The following HADHA variants were observed in gnomAD, a reference collection of about 807,000 sequenced individuals.
HADHA encodes the protein trifunctional enzyme subunit alpha, mitochondrial.
A neutral mutation model predicts 91.3 loss-of-function variants in HADHA; 59 were observed. That is an observed-to-expected ratio of 0.65 (90% CI 0.52 to 0.80). The LOEUF (loss-of-function observed/expected upper bound fraction) is 0.80, where lower values mean the gene tolerates loss of function less well. HADHA is among the 30% of genes least tolerant of loss of function. HADHA has a pLI of 0.00. For synonymous variants in HADHA, 320 were observed against 338.9 expected (o/e 0.94, Z 0.61); for missense variants, 800 against 927.6 (o/e 0.86, Z 1.79).
intron 12 of HADHA, among the ~76,000 whole-genome samples, chr2:26,202,124 G>C (rs1267484022): frequency 6.6e-6 from 1 of 152,108 alleles, no homozygotes; most frequent in Non-Finnish European, 1.5e-5. Flanking sequence ...CTAAAGAACA[G>C]AGACCAAGCA....
Position 26,229,931 on chromosome 2 carries a change from G to C in HADHA, c.676+261C>G, listed in dbSNP as rs1010546942. On this transcript the variant is annotated intron_variant, in intron 7 of 19. Transcript: ENST00000380649. This position sits in a 1 kb window ranked among gnomAD's most constrained non-coding sequence, Gnocchi z 4.3. ...AACCTCAGCCCCGCCAGGTTCAAGCGATCCTCCTGCCTCAGCCTCCCAAGT... is the reference window on the plus strand; with the variant it reads ...AACCTCAGCCCCGCCAGGTTCAAGCCATCCTCCTGCCTCAGCCTCCCAAGT... 1.3e-5 allele frequency among the ~76,000 whole-genome samples: 2 copies of C among 152,116 alleles called. No homozygotes were observed. The highest frequency in any genetic ancestry group is 4.1e-4 in the South Asian group (2 of 4,828).
At position 26,214,451 on chromosome 2, in the gene HADHA, T is replaced by C. The variant is rs1301399090; in HGVS notation, c.910A>G (p.Ile304Val). The change falls in exon 9 of 20, where the codon ATA becomes GTA. Residue 304 changes from isoleucine to valine, a missense_variant. Ile to Val is a conservative substitution (Grantham distance 29, BLOSUM62 3). Transcript: ENST00000380649. This position sits in a 1 kb window ranked among gnomAD's most constrained non-coding sequence, Gnocchi z 4.1. ...TKGLYPAPLKIIDVVKTGIEQ... is the reference protein window; with the variant it reads ...TKGLYPAPLKVIDVVKTGIEQ... Reference sequence around the variant, plus strand: ...TATTGGGTAAGACTCACATCAATTATTTTCAGAGGTGCAGGATAAAGGCCT... The same window carrying C: ...TATTGGGTAAGACTCACATCAATTACTTTCAGAGGTGCAGGATAAAGGCCT... 1 of 1,479,088 alleles carries C rather than the reference T, an allele frequency of 6.8e-7. No homozygotes were observed. 91.6% of individuals were successfully genotyped at this position (1,479,088 alleles called of 1,614,324 possible).
intron 1 of HADHA, among the ~76,000 whole-genome samples, chr2:26,242,200 G>T (rs987026871): frequency 6.6e-6 from 1 of 152,136 alleles, no homozygotes; most frequent in African/African-American, 2.4e-5. Context: ...CCTTTCAAGA[G>T]AATTTTATCA....
chr2:26,198,277 C>A (rs1316547892), intron 13 of HADHA, among the ~76,000 whole-genome samples: 1 of 151,950 alleles, frequency 6.6e-6, no homozygotes, highest in African/African-American at 2.4e-5. Context: ...CTACAGTACA[C>A]AAATACTATT....
rs71399373 is a variant in HADHA, at chr2:26,227,511, C to CA, written c.676+2680dup. Among the ~76,000 whole-genome samples, 179 of 141,906 alleles carry CA rather than the reference C, an allele frequency of 1.3e-3. 2 individuals are homozygous for CA. Among genetic ancestry groups the CA allele is most frequent in the African/African-American group, 2.4e-3 (94 of 38,610 alleles). The allele number at this position is 141,906 out of a possible 152,430, so 93.1% of individuals were successfully genotyped here. A position where few individuals can be genotyped will look rare whatever the true frequency, so the allele number is the denominator to read the frequency against. On this transcript the variant is annotated intron_variant, in intron 7 of 19. Transcript: ENST00000380649. Reference sequence around the variant, plus strand: ...TGGGCAACAGAGCGAGACTTTGTCTCAAAAAAAAAAAAAGAAAAAAGAACT... The same window carrying CA: ...TGGGCAACAGAGCGAGACTTTGTCTCAAAAAAAAAAAAAAGAAAAAAGAACT...
intron 11 of HADHA, among the ~76,000 whole-genome samples, chr2:26,208,006 C>A (rs1040107013): frequency 3.9e-5 from 6 of 152,108 alleles, no homozygotes; most frequent in African/African-American, 1.4e-4. Flanking sequence ...ACATATTTTG[C>A]CTTGGGTATC....
In HADHA at chr2:26,231,968, C is replaced by CA. The variant is rs70950177; in HGVS notation, c.573+191dup. On this transcript the variant is annotated intron_variant, in intron 6 of 19. Coordinates refer to ENST00000380649, the MANE Select transcript of HADHA (RefSeq NM_000182.5). ...TGGGCTACAGAGCAAGATTTTGTCT[C>CA]AAAAAAAAAAAAAAAAAAAAATCTG... is the stretch of plus-strand genomic sequence containing the variant. Among the ~76,000 whole-genome samples, 26,824 of 92,226 alleles carry CA rather than the reference C, an allele frequency of 0.29. 3,550 individuals carry two copies. The highest frequency in any genetic ancestry group is 0.41 in the Middle Eastern group (70 of 172). The allele number at this position is 92,226 out of a possible 152,430, so 60.5% of individuals were successfully genotyped here. A position where few individuals can be genotyped will look rare whatever the true frequency, so the allele number is the denominator to read the frequency against.
chr2:26,204,843 C>G (rs376936507), intron 11 of HADHA, among the ~76,000 whole-genome samples: 4 of 152,152 alleles, frequency 2.6e-5, no homozygotes, highest in East Asian at 3.8e-4. Context: ...CCACATCAGC[C>G]TCCCAAAGAG....
rs1670076107 is a variant in HADHA at position 26,210,548 on chromosome 2, G to C, written c.976-659C>G. On this transcript the variant is annotated intron_variant, in intron 10 of 19. Transcript: ENST00000380649. The surrounding 1 kb of genome is among the most constrained non-coding windows in gnomAD (Gnocchi z 4.0). ...TGTAGTAGAGATGGGGTTTCACCGT[G>C]TTAGCCAGGATGGTCTCGATCTCCT... 6.5e-6 allele frequency: 1 copy of C among 153,284 alleles called. No homozygotes were observed. The highest frequency in any genetic ancestry group is 1.5e-5 in the Non-Finnish European group (1 of 68,854). The allele number at this position is 153,284 out of a possible 1,614,324, so 9.5% of individuals were successfully genotyped here.
chr2:26,239,572 A>C (rs1421355509), intron 1 of HADHA, among the ~76,000 whole-genome samples: 1 of 152,190 alleles, frequency 6.6e-6, no homozygotes, highest in Non-Finnish European at 1.5e-5. Flanking sequence ...AACCCAGTGA[A>C]GGTGGAGTGG....
intron 6 of HADHA, among the ~76,000 whole-genome samples, chr2:26,231,493 A>G (rs949964394): frequency 3.4e-4 from 51 of 152,238 alleles, no homozygotes; most frequent in African/African-American, 1.1e-3. Flanking sequence ...CAATGAGGGA[A>G]AAGGTCTGCC....
intron 7 of HADHA, among the ~76,000 whole-genome samples, chr2:26,225,413 A>G (rs1385411502): frequency 6.7e-6 from 1 of 149,754 alleles, no homozygotes; most frequent in African/African-American, 2.5e-5. Context: ...AAAAAAAAAA[A>G]GAGGAGAGAA....
intron 7 of HADHA, among the ~76,000 whole-genome samples, chr2:26,217,148 T>C (rs889030973): frequency 1.3e-5 from 2 of 150,782 alleles, no homozygotes; most frequent in Admixed American, 6.6e-5. Context: ...TTGAGCCCAG[T>C]AGCTCAAGGA....
chr2:26,222,804 TCACCGGGAAG>T (rs764961848), intron 7 of HADHA, among the ~76,000 whole-genome samples: 4 of 152,142 alleles, frequency 2.6e-5, no homozygotes, highest in Non-Finnish European at 5.9e-5. Flanking sequence ...TCTTACTACA[TCACCGGGAAG>T]CAGTTGCCTT....
chr2:26,222,975 G>C (rs1260883361), intron 7 of HADHA, among the ~76,000 whole-genome samples: 4 of 152,164 alleles, frequency 2.6e-5, no homozygotes, highest in African/African-American at 9.7e-5. Flanking sequence ...GGATTCGTGA[G>C]TCCAGAAATC....
chr2:26,209,844 CCATCAAGGCCTTTGATTCTTTGGTCATTA>C lies in HADHA; in HGVS notation c.992_1020del (p.Val331GlyfsTer13). Reference sequence around the variant, plus strand: ...CACAGGACCTGACCATGGTAGAGTCCCATCAAGGCCTTTGATTCTTTGGTCATTACAAGCTCTCCAAATTTCTGAAAAGT... The same window carrying C: ...CACAGGACCTGACCATGGTAGAGTCCCAAGCTCTCCAAATTTCTGAAAAGT... On this transcript the variant is annotated frameshift_variant, in exon 11 of 20. Coordinates refer to ENST00000380649, the MANE Select transcript of HADHA (RefSeq NM_000182.5). LOFTEE classifies it high-confidence loss of function. 6.2e-7 allele frequency: 1 copy of C among 1,606,566 alleles called. No homozygotes were observed.
intron 1 of HADHA, among the ~76,000 whole-genome samples, chr2:26,239,559 G>A (rs1670842527): frequency 3.3e-5 from 5 of 152,148 alleles, no homozygotes; most frequent in Admixed American, 3.3e-4. Context: ...CTACTGACTG[G>A]AGAACCCAGT....
At chr2:26,217,324 T>C (rs1327255558) in intron 7 of HADHA, among the ~76,000 whole-genome samples, 4 of 152,192 alleles carry the variant, frequency 2.6e-5, no homozygotes, top group Non-Finnish European at 5.9e-5. Context: ...AGCTTCATTT[T>C]TGGGCAATAT....
chr2:26,238,403 GT>G (rs891940356), intron 3 of HADHA, among the ~76,000 whole-genome samples: 12 of 152,182 alleles, frequency 7.9e-5, no homozygotes, highest in Non-Finnish European at 1.8e-4. Context: ...ATGGATTACT[GT>G]TACACACTTT....
Sources: allele counts gnomAD v4.1 joint callset (sites outside exome capture counted in the v4.1 genomes callset), GRCh38; gene constraint gnomAD v4.1.1; non-coding constraint Gnocchi (gnomAD v3.1); transcripts MANE v1.5; gene names NCBI Gene and HGNC (gene_info 2026-07-23, HGNC 2026-07-21).